Variants in VWC2 observed in about 807,000 individuals in gnomAD.
VWC2 encodes von Willebrand factor C domain containing 2, also known as brorin.
A neutral mutation model predicts 29.8 loss-of-function variants in VWC2; 14 were observed. The observed-to-expected ratio is 0.47, with a 90% CI of 0.31 to 0.74. The LOEUF (loss-of-function observed/expected upper bound fraction) is 0.74, where lower values mean the gene tolerates loss of function less well. Among genes scored for constraint, VWC2 ranks in the 30% least tolerant of loss-of-function variants. The probability of loss-of-function intolerance (pLI) is 0.05; values close to 1 mark genes in which losing one functional copy is unlikely to be tolerated. For synonymous variants in VWC2, 213 were observed against 199.0 expected (o/e 1.07, Z -0.59); for missense variants, 457 against 459.8 (o/e 0.99, Z 0.05).
At position 49,775,402 on chromosome 7, in the gene VWC2, C is replaced by T; in HGVS notation, c.-34C>T. ...ATGCGACTCGCCCCTCGGCCGCGCTCCCCGCCCGCCCGCCCGCCGGGACGT... is the reference window on the plus strand; with the variant it reads ...ATGCGACTCGCCCCTCGGCCGCGCTTCCCGCCCGCCCGCCCGCCGGGACGT... On this transcript the variant is annotated 5_prime_UTR_variant, in exon 2 of 4. Coordinates refer to ENST00000340652, the MANE Select transcript of VWC2 (RefSeq NM_198570.5). The T allele has an allele frequency of 1.3e-6, 1 of 743,266 alleles. No individual in the cohort carries two copies. The highest frequency in any genetic ancestry group is 1.9e-6 in the Non-Finnish European group (1 of 536,018). 46.0% of individuals were successfully genotyped at this position (743,266 alleles called of 1,614,324 possible).
intron 3 of VWC2, among the ~76,000 whole-genome samples, chr7:49,841,565 A>G (rs770270961): frequency 1.3e-5 from 2 of 152,228 alleles, no homozygotes; most frequent in Non-Finnish European, 2.9e-5. Flanking sequence ...AAATCGCCAG[A>G]TATAGCAGAT....
At chr7:49,835,855 T>C (rs1268931804) in intron 3 of VWC2, among the ~76,000 whole-genome samples, 1 of 152,238 alleles carries the variant, frequency 6.6e-6, no homozygotes. Flanking sequence ...TTCTTCTTTA[T>C]ATATTTTTCG....
intron 3 of VWC2, among the ~76,000 whole-genome samples, chr7:49,887,177 T>C (rs148690032): frequency 2.0e-3 from 311 of 152,260 alleles, no homozygotes; most frequent in Admixed American, 5.8e-3. Flanking sequence ...GATTTGGATT[T>C]CCCCCCCAAT....
rs189899825 is a variant in VWC2 at position 49,862,017 on chromosome 7, G to A, written c.827-50017G>A. ...AGGCTTTTCCATTTCCATAAAAAAT[G>A]GTTGTTGGAATTTTGAAAGGGATTG... On this transcript the variant is annotated intron_variant, in intron 3 of 3. Coordinates refer to ENST00000340652, the MANE Select transcript of VWC2 (RefSeq NM_198570.5). Among the ~76,000 whole-genome samples, 4 of 152,254 alleles carry A rather than the reference G, an allele frequency of 2.6e-5. No homozygotes were observed. In the East Asian group the frequency reaches 5.8e-4, roughly 22 times the overall value.
chr7:49,786,551 A>C (rs1264194145), intron 2 of VWC2, among the ~76,000 whole-genome samples: 1 of 152,200 alleles, frequency 6.6e-6, no homozygotes, highest in African/African-American at 2.4e-5. Context: ...TCTTTGAGAA[A>C]TCTCCAACTA....
At chr7:49,894,020 G>A (rs1792257705) in intron 3 of VWC2, among the ~76,000 whole-genome samples, 1 of 152,110 alleles carries the variant, frequency 6.6e-6, no homozygotes, top group African/African-American at 2.4e-5. Flanking sequence ...CTGGTGTGAC[G>A]AACCATTCCT....
At chr7:49,847,619 C>T (rs1316880479) in intron 3 of VWC2, among the ~76,000 whole-genome samples, 1 of 152,186 alleles carries the variant, frequency 6.6e-6, no homozygotes, top group East Asian at 1.9e-4. Context: ...TTGAGGAACA[C>T]ACAGGGGCAC....
intron 3 of VWC2, among the ~76,000 whole-genome samples, chr7:49,831,266 TTGA>T (rs1164337679): frequency 6.6e-6 from 1 of 152,196 alleles, no homozygotes; most frequent in Non-Finnish European, 1.5e-5. Flanking sequence ...TCTCATTATT[TTGA>T]TGCGGATTTT....
chr7:49,783,377 T>C (rs1414428273), intron 2 of VWC2, among the ~76,000 whole-genome samples: 1 of 152,106 alleles, frequency 6.6e-6, no homozygotes, highest in Non-Finnish European at 1.5e-5. Flanking sequence ...TCCACTGTTG[T>C]TGATGGCTTG....
intron 3 of VWC2, among the ~76,000 whole-genome samples, chr7:49,829,592 C>G (rs1291692127): frequency 1.3e-5 from 2 of 152,248 alleles, no homozygotes; most frequent in Admixed American, 6.5e-5. Flanking sequence ...TGGTGCTCTT[C>G]TGGAGTCCAA....
intron 2 of VWC2, among the ~76,000 whole-genome samples, chr7:49,790,205 G>T (rs1160922096): frequency 6.6e-6 from 1 of 152,210 alleles, no homozygotes; most frequent in African/African-American, 2.4e-5. Flanking sequence ...ATTCAGGAGA[G>T]GATTTAAAAG....
intron 3 of VWC2, among the ~76,000 whole-genome samples, chr7:49,829,860 T>C (rs1789485689): frequency 6.6e-6 from 1 of 152,226 alleles, no homozygotes; most frequent in Non-Finnish European, 1.5e-5. Context: ...TCTGTTAGGA[T>C]GGGAATGGCC....
At chr7:49,791,538 G>A (rs1488946002) in intron 2 of VWC2, among the ~76,000 whole-genome samples, 1 of 152,166 alleles carries the variant, frequency 6.6e-6, no homozygotes, top group East Asian at 1.9e-4. Flanking sequence ...TAAAGTTTCT[G>A]TCTCTGTTGG....
chr7:49,872,980 C>T (rs483739), intron 3 of VWC2, among the ~76,000 whole-genome samples: 3,204 of 140,562 alleles, frequency 0.023, 135 homozygotes, highest in African/African-American at 0.079. Flanking sequence ...AAATAATTCT[C>T]TAAATAATTA....
intron 3 of VWC2, among the ~76,000 whole-genome samples, chr7:49,828,426 G>A (rs553984439): frequency 5.3e-5 from 8 of 152,288 alleles, no homozygotes; most frequent in Non-Finnish European, 1.0e-4. Context: ...AGGTCAATGT[G>A]AAAAGTTACA....
rs559374471 is a variant in VWC2, at chr7:49,821,918, A to G, written c.826+19078A>G. Reference sequence around the variant, plus strand: ...TAATTGCATCTAAACAAGCTGTGACATTCTAGAAATAAATATAGAAGCTAT... The same window carrying G: ...TAATTGCATCTAAACAAGCTGTGACGTTCTAGAAATAAATATAGAAGCTAT... On this transcript the variant is annotated intron_variant, in intron 3 of 3. Coordinates refer to ENST00000340652, the MANE Select transcript of VWC2 (RefSeq NM_198570.5). Among the ~76,000 whole-genome samples the G allele has an allele frequency of 6.4e-4, 97 of 152,314 alleles. 1 individual carries two copies. The South Asian group carries it at 8.3e-3, about 13-fold the overall frequency.
chr7:49,892,938 C>A (rs1212639190), intron 3 of VWC2, among the ~76,000 whole-genome samples: 2 of 98,972 alleles, frequency 2.0e-5, no homozygotes, highest in South Asian at 6.7e-4. Context: ...CTGAAAAGAT[C>A]TTCAATGAAG....
chr7:49,775,930 C>T lies in VWC2; in HGVS notation c.495C>T (p.Ile165=), dbSNP rs954405226. The T allele has an allele frequency of 3.9e-6, 6 of 1,556,534 alleles. No homozygotes were observed. The African/African-American group carries it at 6.8e-5, about 18-fold the overall frequency. Residue 165 remains isoleucine (I), a synonymous_variant, in exon 2 of 4, where the codon ATC becomes ATT. Transcript: ENST00000340652. ...CVDESGFVYA[I]GEKFAPGPSA... ...ACGAGAGCGGCTTCGTGTACGCGAT[C>T]GGGGAGAAGTTCGCGCCGGGCCCCT...
chr7:49,779,604 G>C (rs948086252), intron 2 of VWC2, among the ~76,000 whole-genome samples: 1 of 150,820 alleles, frequency 6.6e-6, no homozygotes, highest in African/African-American at 2.4e-5. Flanking sequence ...TTTCAGTAAA[G>C]GAATGATATT....
Sources: allele counts gnomAD v4.1 joint callset (sites outside exome capture counted in the v4.1 genomes callset), GRCh38; gene constraint gnomAD v4.1.1; transcripts MANE v1.5; gene names NCBI Gene and HGNC (gene_info 2026-07-23, HGNC 2026-07-21).